Variants in VPS13A observed in about 807,000 individuals in gnomAD.
VPS13A encodes intermembrane lipid transfer protein VPS13A.
A neutral mutation model predicts 390.9 loss-of-function variants in VPS13A; 264 were observed. That is an observed-to-expected ratio of 0.68 (90% confidence interval 0.61 to 0.75). The LOEUF (loss-of-function observed/expected upper bound fraction) is 0.75, where lower values mean the gene tolerates loss of function less well. Among genes scored for constraint, VPS13A ranks in the 30% least tolerant of loss-of-function variants. The pLI is 0.00. For synonymous variants in VPS13A, 1,231 were observed against 1,227.1 expected (o/e 1.00, Z -0.07); for missense variants, 3,409 against 3,733.9 (o/e 0.91, Z 2.27).
chr9:77,201,252 G>A, intron 2 of VPS13A, 113 bp from the exon 3 acceptor site: 1 of 713,602 alleles, frequency 1.4e-6, no homozygotes, highest in South Asian at 1.8e-5. Flanking sequence ...AAGGAAATGT[G>A]TAAGTTTATT....
chr9:77,287,373 T>TG (rs1484578123), intron 31 of VPS13A, among the ~76,000 whole-genome samples: 3 of 151,736 alleles, frequency 2.0e-5, no homozygotes, highest in Admixed American at 6.6e-5. Context: ...AGCTGATTTT[T>TG]GTAGAGATGG....
chr9:77,331,043 T>A (rs1282173037), intron 45 of VPS13A, among the ~76,000 whole-genome samples: 2 of 152,188 alleles, frequency 1.3e-5, no homozygotes, highest in Non-Finnish European at 2.9e-5. Context: ...TATACTGATA[T>A]ATAGGTCATT....
At chr9:77,412,288 C>G (rs1168398384) in intron 71 of VPS13A, among the ~76,000 whole-genome samples, 2 of 151,922 alleles carry the variant, frequency 1.3e-5, no homozygotes, top group African/African-American at 4.8e-5. Flanking sequence ...AGAGACACAA[C>G]AAAAAAAGAG....
chr9:77,241,176 T>C (rs1824465936), intron 19 of VPS13A, among the ~76,000 whole-genome samples: 1 of 152,176 alleles, frequency 6.6e-6, no homozygotes, highest in Non-Finnish European at 1.5e-5. Flanking sequence ...TACTCCATCT[T>C]CCATTCTCCT....
chr9:77,331,228 G>T (rs1045273734), intron 45 of VPS13A, among the ~76,000 whole-genome samples: 6 of 151,908 alleles, frequency 3.9e-5, no homozygotes, highest in Non-Finnish European at 7.4e-5. Flanking sequence ...ATTTCTCTAG[G>T]TATGGAACTA....
At position 77,265,429 on chromosome 9, in the gene VPS13A, G is replaced by A. The variant is rs112028529; in HGVS notation, c.2427+5205G>A. ...CGGCTTTGAATCTATCTGGTCGTGG[G>A]CTTTTTTTGGTTGATAGGCTATTAA... On this transcript the variant is annotated intron_variant, in intron 23 of 71. Transcript: ENST00000360280. Among the ~76,000 whole-genome samples, 1,122 of 152,178 alleles carry A rather than the reference G, an allele frequency of 7.4e-3. 15 individuals carry two copies. Among genetic ancestry groups the A allele is most frequent in the African/African-American group, 0.025 (1,048 of 41,524 alleles).
In VPS13A at chr9:77,276,056, C is replaced by G; in HGVS notation, c.2668-9C>G. 6.2e-7 allele frequency: 1 copy of G among 1,609,850 alleles called. No individual in the cohort carries two copies. The highest frequency in any genetic ancestry group is 1.1e-5 in the South Asian group (1 of 91,012). On this transcript the variant is annotated splice_polypyrimidine_tract_variant and intron_variant, in intron 25 of 71. Coordinates refer to ENST00000360280, the MANE Select transcript of VPS13A (RefSeq NM_033305.3). ...TGTAGTGGTAATTTCTTTTTTCTTTCTTCTCCAGGTTTTGATCGAGTTTTA... is the reference window on the plus strand; with the variant it reads ...TGTAGTGGTAATTTCTTTTTTCTTTGTTCTCCAGGTTTTGATCGAGTTTTA...
chr9:77,318,842 C>T (rs1422478107), intron 41 of VPS13A, among the ~76,000 whole-genome samples: 1 of 152,026 alleles, frequency 6.6e-6, no homozygotes, highest in Non-Finnish European at 1.5e-5. Flanking sequence ...ATTTTATCAA[C>T]TTAAAGATAA....
At chr9:77,227,590 T>A in intron 16 of VPS13A, 105 bp downstream of exon 16, 4 of 874,200 alleles carry the variant, frequency 4.6e-6, no homozygotes, top group Non-Finnish European at 5.4e-6. Flanking sequence ...TGGTGTGATC[T>A]CTGCTGCCAG....
At chr9:77,357,955 T>G in intron 56 of VPS13A, 117 bp downstream of exon 56, 1 of 599,064 alleles carries the variant, frequency 1.7e-6, no homozygotes, top group Non-Finnish European at 2.5e-6. Flanking sequence ...TGCTAGCCTT[T>G]TTTTTTTTTT....
At chr9:77,346,124 C>T (rs1269493975) in intron 52 of VPS13A, among the ~76,000 whole-genome samples, 1 of 152,166 alleles carries the variant, frequency 6.6e-6, no homozygotes, top group African/African-American at 2.4e-5. Context: ...TACTAGTTTA[C>T]ATTCCCACCA....
intron 59 of VPS13A, among the ~76,000 whole-genome samples, chr9:77,361,058 T>C (rs537231489): frequency 7.8e-4 from 118 of 152,254 alleles, no homozygotes; most frequent in African/African-American, 2.7e-3. Context: ...GGGTCAGATA[T>C]AGTCTGTTTT....
intron 29 of VPS13A, 139 bp from the exon 30 acceptor site, chr9:77,283,216 C>A: frequency 3.3e-6 from 2 of 597,364 alleles, no homozygotes; most frequent in Non-Finnish European, 6.0e-6. Context: ...GAATATCATA[C>A]CTTGCTTTCA....
intron 39 of VPS13A, 113 bp downstream of exon 39, chr9:77,316,519 CT>C: frequency 1.2e-6 from 1 of 867,306 alleles, no homozygotes; most frequent in Admixed American, 2.0e-5. Flanking sequence ...TGTAAAATGT[CT>C]TTCTCTCTGC....
At chr9:77,404,516 C>T (rs751081428) in intron 69 of VPS13A, among the ~76,000 whole-genome samples, 12 of 152,134 alleles carry the variant, frequency 7.9e-5, no homozygotes, top group Non-Finnish European at 1.6e-4. Context: ...AAAAATTTTC[C>T]ATCATGTTTT....
rs555989072 is a variant in VPS13A at position 77,329,850 on chromosome 9, C to T, written c.5992-2160C>T. 4.6e-5 allele frequency among the ~76,000 whole-genome samples: 7 copies of T among 152,158 alleles called. No homozygotes were observed. In the South Asian group the frequency reaches 1.5e-3, roughly 32 times the overall value. ...GGTATTATTCAAAATAAAATTTGCC[C>T]ACAGTTACACAGCTAGTAATCAGCA... On this transcript the variant is annotated intron_variant, in intron 45 of 71. Coordinates refer to ENST00000360280, the MANE Select transcript of VPS13A (RefSeq NM_033305.3).
At chr9:77,334,152 A>C (rs113593174) in intron 46 of VPS13A, among the ~76,000 whole-genome samples, 1,868 of 152,350 alleles carry the variant, frequency 0.012, 39 homozygotes, top group African/African-American at 0.042. Context: ...AACAAAGATA[A>C]GGAAGCATGA....
At chr9:77,322,859 T>G (rs542348991) in intron 44 of VPS13A, among the ~76,000 whole-genome samples, 2 of 152,180 alleles carry the variant, frequency 1.3e-5, no homozygotes, top group African/African-American at 4.8e-5. Flanking sequence ...TGTCTTGGGT[T>G]AAACTCCTGA....
At chr9:77,407,350 G>C (rs1002359905) in intron 70 of VPS13A, among the ~76,000 whole-genome samples, 183 bp from the exon 71 acceptor site, 9 of 152,142 alleles carry the variant, frequency 5.9e-5, no homozygotes, top group African/African-American at 1.9e-4. Context: ...GTTATTAATA[G>C]AATGTAGTCT....
Sources: gnomAD v4.1 joint callset for allele counts (sites outside exome capture counted in the v4.1 genomes callset) on GRCh38, gnomAD v4.1.1 for gene constraint, MANE v1.5 for transcripts, NCBI Gene and HGNC (gene_info 2026-07-23, HGNC 2026-07-21) for gene names.